Variants in GALNT14 observed in about 807,000 individuals in gnomAD.
The protein encoded by GALNT14 is UDP-GalNAc:polypeptide N-acetylgalactosaminyltransferase 14.
A neutral mutation model predicts 77.5 loss-of-function variants in GALNT14; 60 were observed. The observed-to-expected ratio is 0.77, with a 90% CI of 0.63 to 0.96. GALNT14 has a LOEUF of 0.96. GALNT14 is among the 40% of genes least tolerant of loss of function. The probability of loss-of-function intolerance (pLI) is 0.00; values close to 1 mark genes in which losing one functional copy is unlikely to be tolerated. For missense variants in GALNT14, 710 were observed against 731.0 expected, an observed-to-expected ratio of 0.97 and a Z score of 0.33; for synonymous variants, 280 against 281.7, an observed-to-expected ratio of 0.99 and a Z score of 0.06.
At chr2:31,079,144 T>C (rs367801822) in intron 1 of GALNT14, 37 of 980,506 alleles carry the variant, frequency 3.8e-5, no homozygotes, top group African/African-American at 3.4e-4. Context: ...ACCAGCTTGT[T>C]TGAACCCAGT....
chr2:30,903,835 C>T, the GALNT14 span, among the ~76,000 whole-genome samples: 1 of 152,200 alleles, frequency 6.6e-6, no homozygotes, highest in Non-Finnish European at 1.5e-5. Flanking sequence ...GTAGGAAACT[C>T]ACCTGGGCAG....
rs189932448 is a variant in GALNT14 at position 31,112,959 on chromosome 2, T to C, written c.129+24999A>G. On this transcript the variant is annotated intron_variant, in intron 1 of 14. Coordinates refer to ENST00000349752, the MANE Select transcript of GALNT14 (RefSeq NM_024572.4). The stretch of plus-strand genomic sequence containing the variant: ...TTAGGCCTCTGCAGCAGTGGTGTTA[T>C]ATGCAGCTACTAATAAAATTCTAGA... Among the ~76,000 whole-genome samples the C allele has an allele frequency of 3.9e-5, 6 of 152,330 alleles. No homozygotes were observed. The South Asian group carries it at 8.3e-4, about 21-fold the overall frequency.
At chr2:31,018,868 G>A (rs532520543) in intron 1 of GALNT14, among the ~76,000 whole-genome samples, 6 of 152,250 alleles carry the variant, frequency 3.9e-5, no homozygotes, top group South Asian at 4.1e-4. Context: ...TGGGGCCTGC[G>A]ACCTCTACCT....
Position 30,924,336 on chromosome 2 carries a change from T to G in GALNT14, c.1236-73A>C. ...TAGCAAGACTACCAGCTGGAGAGGGTGGGCAGTGTTCTGAGAATGGCAGGG... is the reference window on the plus strand; with the variant it reads ...TAGCAAGACTACCAGCTGGAGAGGGGGGGCAGTGTTCTGAGAATGGCAGGG... On this transcript the variant is annotated intron_variant, in intron 12 of 14. Coordinates refer to ENST00000349752, the MANE Select transcript of GALNT14 (RefSeq NM_024572.4). 2.0e-6 allele frequency: 3 copies of G among 1,521,948 alleles called. No homozygotes were observed. In the South Asian group the frequency reaches 3.4e-5, roughly 17 times the overall value. 94.3% of individuals were successfully genotyped at this position (1,521,948 alleles called of 1,614,324 possible). A position where few individuals can be genotyped will look rare whatever the true frequency, so the allele number is the denominator to read the frequency against.
chr2:31,070,882 C>T (rs1180808687), intron 1 of GALNT14, among the ~76,000 whole-genome samples: 1 of 152,206 alleles, frequency 6.6e-6, no homozygotes, highest in Non-Finnish European at 1.5e-5. Context: ...TAAGCACTGT[C>T]TGGTCTCTGT....
intron 1 of GALNT14, among the ~76,000 whole-genome samples, chr2:31,103,906 T>G (rs1178234339): frequency 6.6e-6 from 1 of 152,158 alleles, no homozygotes; most frequent in Admixed American, 6.5e-5. Context: ...CTCTACTAAT[T>G]TGTTCAGGAA....
At chr2:31,095,350 A>G (rs1676946790) in intron 1 of GALNT14, among the ~76,000 whole-genome samples, 1 of 152,168 alleles carries the variant, frequency 6.6e-6, no homozygotes, top group Non-Finnish European at 1.5e-5. Context: ...CAAGCTAAGT[A>G]TCTGACATAG....
chr2:30,990,365 C>T (rs550843825), intron 2 of GALNT14, among the ~76,000 whole-genome samples: 1 of 152,326 alleles, frequency 6.6e-6, no homozygotes, highest in South Asian at 2.1e-4. Flanking sequence ...CCAGGAATTG[C>T]ATCAGGATGA....
chr2:31,028,102 G>A (rs149188185), intron 1 of GALNT14, among the ~76,000 whole-genome samples: 1,694 of 152,196 alleles, frequency 0.011, 40 homozygotes, highest in African/African-American at 0.039. Flanking sequence ...GATTCCCATC[G>A]TTCTCATTGT....
At chr2:31,117,193 T>G (rs1678149240) in intron 1 of GALNT14, among the ~76,000 whole-genome samples, 1 of 152,202 alleles carries the variant, frequency 6.6e-6, no homozygotes, top group Admixed American at 6.5e-5. Flanking sequence ...CATAATTCAA[T>G]ACAATCCAAA....
At chr2:31,068,199 A>G (rs970183028) in intron 1 of GALNT14, among the ~76,000 whole-genome samples, 1 of 152,188 alleles carries the variant, frequency 6.6e-6, no homozygotes, top group Non-Finnish European at 1.5e-5. Context: ...AAAAAGGTCC[A>G]TAATTGGCTG....
intron 1 of GALNT14, among the ~76,000 whole-genome samples, chr2:31,010,072 G>A (rs1466973344): frequency 3.3e-5 from 5 of 152,134 alleles, no homozygotes; most frequent in African/African-American, 9.7e-5. Context: ...TGCAACCTCC[G>A]CCTCCTGAGT....
intron 1 of GALNT14, among the ~76,000 whole-genome samples, chr2:31,038,247 C>T (rs1467359001): frequency 6.6e-6 from 1 of 151,032 alleles, no homozygotes; most frequent in Non-Finnish European, 1.5e-5. Flanking sequence ...GGCACATGCA[C>T]CACGCCCAGC....
In GALNT14 at chr2:30,910,970, G is replaced by A; in HGVS notation, c.1590C>T (p.Gly530=). 1 of 1,614,094 alleles carries A rather than the reference G, an allele frequency of 6.2e-7. No homozygotes were observed. The highest frequency in any genetic ancestry group is 8.5e-7 in the Non-Finnish European group (1 of 1,180,026). Residue 530 remains glycine (G), a synonymous_variant, in exon 15 of 15, where the codon GGC becomes GGT. Coordinates refer to ENST00000349752, the MANE Select transcript of GALNT14 (RefSeq NM_024572.4). ...TDMFGDGTEN[G]KEIVVNPCES... is the part of the protein sequence containing the mutation. The stretch of plus-strand genomic sequence containing the variant: ...CACATGGGTTGACGACGATTTCCTT[G>A]CCGTTCTCGGTGCCATCACCGAACA...
chr2:30,889,705 A>G, the GALNT14 span, among the ~76,000 whole-genome samples: 1 of 152,238 alleles, frequency 6.6e-6, no homozygotes, highest in Admixed American at 6.5e-5. Context: ...CATCCTGCAC[A>G]GAACAAATAA....
chr2:31,052,831 T>A (rs12623059), intron 1 of GALNT14, among the ~76,000 whole-genome samples: 112,193 of 152,160 alleles, frequency 0.74, 41,631 homozygotes, highest in East Asian at 1. Flanking sequence ...ATCTCATGCA[T>A]TATTTGAGAT....
At chr2:31,103,881 T>C (rs1453884127) in intron 1 of GALNT14, among the ~76,000 whole-genome samples, 2 of 152,200 alleles carry the variant, frequency 1.3e-5, no homozygotes, top group African/African-American at 4.8e-5. Context: ...TTCACTTTGT[T>C]GACTGAAGTT....
intron 9 of GALNT14, among the ~76,000 whole-genome samples, chr2:30,938,037 C>A (rs1666155662): frequency 6.6e-6 from 1 of 151,436 alleles, no homozygotes; most frequent in Non-Finnish European, 1.5e-5. Context: ...ACACACCCAC[C>A]CACCCCCCAC....
intron 6 of GALNT14, among the ~76,000 whole-genome samples, chr2:30,953,232 G>A (rs998489067): frequency 1.3e-5 from 2 of 151,666 alleles, no homozygotes; most frequent in Non-Finnish European, 2.9e-5. Context: ...CTGCGGAGTA[G>A]AGTTCCTCTA....
Sources: allele counts gnomAD v4.1 joint callset (sites outside exome capture counted in the v4.1 genomes callset), GRCh38; gene constraint gnomAD v4.1.1; transcripts MANE v1.5; gene names NCBI Gene and HGNC (gene_info 2026-07-23, HGNC 2026-07-21).